Variants in PDK1 observed in about 807,000 individuals in gnomAD.
PDK1 encodes [Pyruvate dehydrogenase (acetyl-transferring)] kinase isozyme 1, mitochondrial.
PDK1 carries 39 observed loss-of-function variants against 54.2 expected under a neutral mutation model. That is an observed-to-expected ratio of 0.72 (90% CI 0.56 to 0.94). The LOEUF is 0.94. PDK1 is among the 40% of genes least tolerant of loss of function. The pLI, the probability that PDK1 is intolerant of heterozygous loss-of-function variation, is 0.00. For synonymous variants in PDK1, 221 were observed against 207.1 expected, an observed-to-expected ratio of 1.07 and a Z score of -0.58; for missense variants, 552 against 566.0, an observed-to-expected ratio of 0.98 and a Z score of 0.25.
the PDK1 span, among the ~76,000 whole-genome samples, chr2:172,623,768 T>C: frequency 6.6e-6 from 1 of 151,700 alleles, no homozygotes; most frequent in African/African-American, 2.4e-5. Context: ...CATACAGATA[T>C]GAAAAAAAAA....
At chr2:172,644,438 G>A in the PDK1 span, among the ~76,000 whole-genome samples, 1 of 152,222 alleles carries the variant, frequency 6.6e-6, no homozygotes, top group South Asian at 2.1e-4. Flanking sequence ...TTTCCTGTGT[G>A]TAATATGGGA....
chr2:172,645,288 TGAGA>T, the PDK1 span, among the ~76,000 whole-genome samples: 1 of 141,862 alleles, frequency 7.0e-6, no homozygotes, highest in Non-Finnish European at 1.5e-5. Flanking sequence ...TTTTTTTTTT[TGAGA>T]TAGAGTCTCA....
chr2:172,619,845 T>C, the PDK1 span, among the ~76,000 whole-genome samples: 1 of 152,200 alleles, frequency 6.6e-6, no homozygotes, highest in African/African-American at 2.4e-5. Context: ...GCAATCTTAA[T>C]GTTTTACATG....
chr2:172,570,887 A>C, intron 8 of PDK1, 63 bp downstream of exon 8: 2 of 894,210 alleles, frequency 2.2e-6, no homozygotes, highest in South Asian at 1.5e-5. Flanking sequence ...CAGACATGCA[A>C]AGGTAACCAT....
chr2:172,609,961 A>G (rs1489273940), downstream of PDK1, among the ~76,000 whole-genome samples: 1 of 152,106 alleles, frequency 6.6e-6, no homozygotes, highest in African/African-American at 2.4e-5. Flanking sequence ...AGCTGGGACT[A>G]CAAGTGCCTG....
the PDK1 span, among the ~76,000 whole-genome samples, chr2:172,721,495 G>A: frequency 2.6e-5 from 4 of 152,132 alleles, no homozygotes; most frequent in Non-Finnish European, 4.4e-5. Flanking sequence ...GTGCCACCAG[G>A]CCTGGCTAAT....
the PDK1 span, among the ~76,000 whole-genome samples, chr2:172,689,437 T>C: frequency 4.0e-4 from 61 of 152,200 alleles, no homozygotes; most frequent in Non-Finnish European, 7.5e-4. Context: ...AAGTAATTTA[T>C]AGATTTAATG....
chr2:172,687,465 T>A, the PDK1 span, among the ~76,000 whole-genome samples: 2 of 152,280 alleles, frequency 1.3e-5, no homozygotes, highest in Admixed American at 6.5e-5. Flanking sequence ...CTGGGAATAT[T>A]AGAAGAGGGA....
the PDK1 span, among the ~76,000 whole-genome samples, chr2:172,704,582 C>G: frequency 7.9e-5 from 12 of 152,224 alleles, no homozygotes; most frequent in South Asian, 1.0e-3. Flanking sequence ...GTGTGAGAGC[C>G]AGGGTATACT....
At chr2:172,580,111 A>G (rs113578295) in intron 8 of PDK1, among the ~76,000 whole-genome samples, 2 of 151,698 alleles carry the variant, frequency 1.3e-5, no homozygotes, top group East Asian at 3.9e-4. Context: ...TGTACCCTGC[A>G]TTGTCCGTTT....
In PDK1 at chr2:172,566,908, C is replaced by T. The variant is rs371229404; in HGVS notation, c.744C>T (p.Pro248=). ...GTGATTTGTATTATATTAACTCTCC[C>T]GAACTAGAACTTGAAGAACTAAATG... is the stretch of plus-strand genomic sequence containing the variant. The part of the protein sequence containing the change: ...RLCDLYYINS[P]ELELEELNAK... Residue 248 remains proline, a synonymous_variant, in exon 6 of 11, where the codon CCC becomes CCT. Transcript: ENST00000282077. 5.2e-5 allele frequency: 84 copies of T among 1,608,806 alleles called. No individual in the cohort carries two copies. The African/African-American group carries it at 6.4e-4, about 12-fold the overall frequency.
At chr2:172,582,996 G>A (rs1689995078) in intron 8 of PDK1, among the ~76,000 whole-genome samples, 3 of 152,122 alleles carry the variant, frequency 2.0e-5, no homozygotes, top group South Asian at 4.1e-4. Context: ...AGTCTCCGTG[G>A]CCAAAAGGTT....
chr2:172,667,003 G>C, the PDK1 span, among the ~76,000 whole-genome samples: 3 of 152,068 alleles, frequency 2.0e-5, no homozygotes, highest in Non-Finnish European at 4.4e-5. Flanking sequence ...AAATCTAAGG[G>C]GTGCAGTTTT....
At chr2:172,634,366 G>A in the PDK1 span, among the ~76,000 whole-genome samples, 4 of 150,114 alleles carry the variant, frequency 2.7e-5, no homozygotes, top group South Asian at 2.1e-4. Context: ...TCTGCCTCTC[G>A]GGTTCAAGCG....
At chr2:172,581,343 C>A (rs187413481) in intron 8 of PDK1, among the ~76,000 whole-genome samples, 276 of 152,192 alleles carry the variant, frequency 1.8e-3, no homozygotes, top group Non-Finnish European at 2.9e-3. Flanking sequence ...CGTCTGCCTC[C>A]GCCTCCCAAA....
intron 8 of PDK1, among the ~76,000 whole-genome samples, chr2:172,578,208 A>G (rs1305346980): frequency 1.3e-5 from 2 of 152,190 alleles, no homozygotes; most frequent in African/African-American, 4.8e-5. Context: ...CTTATTGAAT[A>G]TTGCACATAT....
At chr2:172,695,083 A>G in the PDK1 span, among the ~76,000 whole-genome samples, 1 of 152,152 alleles carries the variant, frequency 6.6e-6, no homozygotes, top group Non-Finnish European at 1.5e-5. Context: ...ACGCCACTGC[A>G]CTCCAGTCTG....
the PDK1 span, among the ~76,000 whole-genome samples, chr2:172,682,401 T>A: frequency 6.6e-6 from 1 of 152,204 alleles, no homozygotes; most frequent in African/African-American, 2.4e-5. Context: ...CCTGATCTGA[T>A]ATGTGTTTCA....
the PDK1 span, among the ~76,000 whole-genome samples, chr2:172,635,305 G>T: frequency 6.6e-6 from 1 of 152,106 alleles, no homozygotes; most frequent in African/African-American, 2.4e-5. Context: ...ACGGCCAATT[G>T]TATTAACTTT....
Sources: allele counts gnomAD v4.1 joint callset (sites outside exome capture counted in the v4.1 genomes callset), GRCh38; gene constraint gnomAD v4.1.1; transcripts MANE v1.5; gene names NCBI Gene and HGNC (gene_info 2026-07-23, HGNC 2026-07-21).